Variants in DLGAP4 observed in about 807,000 individuals in gnomAD.
DLGAP4 encodes the protein DLG associated protein 4, also known as disks large-associated protein 4.
Under a neutral mutation model 86.9 loss-of-function variants are expected in DLGAP4, and 18 were observed. The observed-to-expected ratio is 0.21, with a 90% CI of 0.14 to 0.31. The LOEUF (loss-of-function observed/expected upper bound fraction) is 0.31. DLGAP4 is among the 10% of genes least tolerant of loss of function. DLGAP4 has a pLI of 1.00. For synonymous variants in DLGAP4, 548 were observed against 574.3 expected (o/e 0.95, Z 0.65); for missense variants, 1,085 against 1,362.6 (o/e 0.80, Z 3.21).
intron 7 of DLGAP4, among the ~76,000 whole-genome samples, chr20:36,476,696 T>TC (rs2034949024): frequency 6.9e-6 from 1 of 144,456 alleles, no homozygotes; most frequent in Admixed American, 6.8e-5. Flanking sequence ...AATTTTTTTT[T>TC]TTTTTTTGGT....
At chr20:36,494,306 A>G (rs1377176328) in intron 7 of DLGAP4, among the ~76,000 whole-genome samples, 1 of 152,186 alleles carries the variant, frequency 6.6e-6, no homozygotes, top group Non-Finnish European at 1.5e-5. Flanking sequence ...GTTACTTTCA[A>G]AGAACTCACT....
chr20:36,318,527 T>A (rs958566394), intron 1 of DLGAP4, among the ~76,000 whole-genome samples: 2 of 152,308 alleles, frequency 1.3e-5, no homozygotes, highest in East Asian at 3.9e-4. Context: ...GGTGCACCAC[T>A]GGACCTGGCT....
At position 36,432,997 on chromosome 20, in the gene DLGAP4, C is replaced by G. The variant is rs1167546315; in HGVS notation, c.999+281C>G. Among the ~76,000 whole-genome samples the G allele has an allele frequency of 1.3e-5, 2 of 152,126 alleles. No homozygotes were observed. Among genetic ancestry groups the G allele is most frequent in the Admixed American group, 6.6e-5 (1 of 15,256 alleles). On this transcript the variant is annotated intron_variant, in intron 3 of 12. Transcript: ENST00000339266. This position sits in a 1 kb window ranked among gnomAD's most constrained non-coding sequence, Gnocchi z 6.5. ...GACAAATCTGGAAGCTGTGCCATCC[C>G]AACCCCCTCACAGAACCAATTGCAT...
intron 7 of DLGAP4, among the ~76,000 whole-genome samples, chr20:36,482,852 A>G (rs2035250547): frequency 6.6e-6 from 1 of 151,506 alleles, no homozygotes; most frequent in Non-Finnish European, 1.5e-5. Context: ...TTGTATTTTT[A>G]GTAGAGACAG....
At chr20:36,524,867 A>G (rs901424685) in intron 11 of DLGAP4, among the ~76,000 whole-genome samples, 12 of 151,288 alleles carry the variant, frequency 7.9e-5, no homozygotes, top group African/African-American at 2.9e-4. Context: ...GTGCCACTGC[A>G]CTCCAGCACT....
At chr20:36,430,435 T>C (rs1384474265) in intron 2 of DLGAP4, among the ~76,000 whole-genome samples, 1 of 152,108 alleles carries the variant, frequency 6.6e-6, no homozygotes, top group Non-Finnish European at 1.5e-5. Context: ...GGGCTTCCAT[T>C]TGACATAGGA....
At chr20:36,338,631 G>A (rs1308303795) in intron 1 of DLGAP4, among the ~76,000 whole-genome samples, 3 of 152,220 alleles carry the variant, frequency 2.0e-5, no homozygotes, top group Non-Finnish European at 2.9e-5. Flanking sequence ...ATTGAGCACC[G>A]CCTGTGTGCA....
At chr20:36,524,083 T>TTTTCTCAATGAGAATGGATTA (rs2037551405) in intron 10 of DLGAP4, among the ~76,000 whole-genome samples, 167 bp from the exon 11 acceptor site, 1 of 152,222 alleles carries the variant, frequency 6.6e-6, no homozygotes, top group Non-Finnish European at 1.5e-5. Context: ...TTGTTTGTGT[T>TTTTCTCAATGAGAATGGATTA]TTTCTCAATG....
At chr20:36,344,951 C>T (rs923387581) in intron 1 of DLGAP4, among the ~76,000 whole-genome samples, 2 of 152,188 alleles carry the variant, frequency 1.3e-5, no homozygotes, top group African/African-American at 2.4e-5. Context: ...ACCTCCACAC[C>T]CCTCCTGGGC....
intron 10 of DLGAP4, among the ~76,000 whole-genome samples, chr20:36,504,869 T>C (rs1293619576): frequency 6.6e-6 from 1 of 152,360 alleles, no homozygotes; most frequent in Non-Finnish European, 1.5e-5. Flanking sequence ...TACTGAGTTG[T>C]AAGTCCTTTA....
intron 11 of DLGAP4, 105 bp from the exon 12 acceptor site, chr20:36,525,746 C>A: frequency 6.7e-7 from 1 of 1,502,288 alleles, no homozygotes; most frequent in Non-Finnish European, 9.0e-7. Flanking sequence ...CAAGAGCCCC[C>A]GCGGGTGCTG....
At chr20:36,525,242 A>C (rs1305754444) in intron 11 of DLGAP4, among the ~76,000 whole-genome samples, 7 of 110,070 alleles carry the variant, frequency 6.4e-5, no homozygotes, top group East Asian at 5.2e-4. Context: ...AAAAAAAAAA[A>C]AAAAAAAAAA....
intron 1 of DLGAP4, among the ~76,000 whole-genome samples, chr20:36,322,452 T>C (rs1444891760): frequency 6.6e-6 from 1 of 152,160 alleles, no homozygotes; most frequent in Non-Finnish European, 1.5e-5. Context: ...TATTAGGGGC[T>C]TGACTTCAGC....
intron 2 of DLGAP4, among the ~76,000 whole-genome samples, chr20:36,390,890 C>G (rs2031762829): frequency 6.6e-6 from 1 of 152,062 alleles, no homozygotes; most frequent in African/African-American, 2.4e-5. Context: ...GAGCCCTGAT[C>G]CCTTCTCTAG....
intron 2 of DLGAP4, among the ~76,000 whole-genome samples, chr20:36,394,522 A>G (rs755009743): frequency 6.6e-6 from 1 of 152,210 alleles, no homozygotes; most frequent in South Asian, 2.1e-4. Context: ...TTCTGCAGTG[A>G]GCCGGGGCTG....
chr20:36,356,416 A>G (rs1600428799), intron 1 of DLGAP4, among the ~76,000 whole-genome samples: 1 of 152,094 alleles, frequency 6.6e-6, no homozygotes, highest in Non-Finnish European at 1.5e-5. Flanking sequence ...GGTTCAAGCA[A>G]TTCTCCTGCC....
At chr20:36,359,572 A>T (rs2030446588) in intron 1 of DLGAP4, among the ~76,000 whole-genome samples, 1 of 152,138 alleles carries the variant, frequency 6.6e-6, no homozygotes. Flanking sequence ...CTTGCTGTGT[A>T]GCCTGAGGCA....
chr20:36,389,187 G>C (rs1217431266), intron 2 of DLGAP4, among the ~76,000 whole-genome samples: 1 of 152,192 alleles, frequency 6.6e-6, no homozygotes, highest in Non-Finnish European at 1.5e-5. Flanking sequence ...GGGTTTGGGA[G>C]GAGGGAGGAT....
intron 5 of DLGAP4, 49 bp downstream of exon 5, chr20:36,439,917 C>T (rs1357186912): frequency 6.6e-7 from 1 of 1,515,726 alleles, no homozygotes; most frequent in Non-Finnish European, 9.0e-7. Flanking sequence ...GGTACTGATT[C>T]CCATCTGGGA....
Sources: gnomAD v4.1 joint callset for allele counts (sites outside exome capture counted in the v4.1 genomes callset) on GRCh38, gnomAD v4.1.1 for gene constraint, Gnocchi (gnomAD v3.1) non-coding constraint, MANE v1.5 for transcripts, NCBI Gene and HGNC (gene_info 2026-07-23, HGNC 2026-07-21) for gene names.